The following PINX1 variants were observed in gnomAD, a reference collection of about 807,000 sequenced individuals.
PINX1 encodes the protein PIN2/TERF1-interacting telomerase inhibitor 1.
A neutral mutation model predicts 25.4 loss-of-function variants in PINX1; 34 were observed. The ratio of observed to expected loss-of-function variants is 1.34; its 90% confidence interval spans 1.02 to 1.78. PINX1 has a LOEUF of 1.78. Among genes scored for constraint, PINX1 ranks in the 40% most tolerant of loss-of-function variants. The probability of loss-of-function intolerance (pLI) is 0.00; values close to 1 mark genes in which losing one functional copy is unlikely to be tolerated. For missense variants in PINX1, 592 were observed against 404.9 expected, an observed-to-expected ratio of 1.46 and a Z score of -3.97; for synonymous variants, 197 against 147.7, an observed-to-expected ratio of 1.33 and a Z score of -2.42.
At position 10,839,845 on chromosome 8, in the gene PINX1, G is replaced by GT. The variant is rs1385190604; in HGVS notation, c.-90dup. 4 of 1,300,244 alleles carry GT rather than the reference G, an allele frequency of 3.1e-6. No individual in the cohort carries two copies. The highest frequency in any genetic ancestry group is 3.0e-5 in the African/African-American group (2 of 67,120). The allele number at this position is 1,300,244 out of a possible 1,614,324, so 80.5% of individuals were successfully genotyped here. On this transcript the variant is annotated 5_prime_UTR_variant, in exon 1 of 7. Coordinates refer to ENST00000314787, the MANE Select transcript of PINX1 (RefSeq NM_017884.6). ...AGACTCCAGGAGAATCAGGACGTGCGTAACTCCCTCGCCGGCGGACTGCAG... is the reference window on the plus strand; with the variant it reads ...AGACTCCAGGAGAATCAGGACGTGCGTTAACTCCCTCGCCGGCGGACTGCAG...
intron 3 of PINX1, 89 bp from the exon 4 acceptor site, chr8:10,831,832 G>C (rs1798235768): frequency 4.1e-6 from 3 of 728,206 alleles, no homozygotes; most frequent in Non-Finnish European, 7.2e-6. Flanking sequence ...AGGAAATCCA[G>C]TGGTTAATTA....
intron 1 of PINX1, among the ~76,000 whole-genome samples, chr8:10,836,694 C>T (rs1429738533): frequency 1.3e-4 from 12 of 95,240 alleles, no homozygotes; most frequent in African/African-American, 4.0e-4. Context: ...GTTGGGGGGG[C>T]GGGGGGTGGC....
At chr8:10,822,696 A>T (rs1232558642) in intron 5 of PINX1, among the ~76,000 whole-genome samples, 1 of 152,372 alleles carries the variant, frequency 6.6e-6, no homozygotes, top group East Asian at 1.9e-4. Context: ...TAAAACTTTC[A>T]TTGACACGAG....
At chr8:10,824,728 T>A (rs1797984002) in intron 5 of PINX1, among the ~76,000 whole-genome samples, 1 of 152,220 alleles carries the variant, frequency 6.6e-6, no homozygotes, top group Non-Finnish European at 1.5e-5. Context: ...AGATTCTACC[T>A]GTAAAAGTGA....
chr8:10,836,326 A>C (rs1160213213), intron 1 of PINX1, among the ~76,000 whole-genome samples: 13 of 151,712 alleles, frequency 8.6e-5, no homozygotes, highest in Non-Finnish European at 5.9e-5. Context: ...CTAAATTACC[A>C]CTTTACTTAT....
At chr8:10,812,938 C>G (rs1041587910) in intron 6 of PINX1, among the ~76,000 whole-genome samples, 1 of 152,224 alleles carries the variant, frequency 6.6e-6, no homozygotes, top group African/African-American at 2.4e-5. Flanking sequence ...CATCTAGCTG[C>G]TAGCAAATTA....
At chr8:10,819,717 C>T (rs1452110630) in intron 6 of PINX1, among the ~76,000 whole-genome samples, 2 of 152,144 alleles carry the variant, frequency 1.3e-5, no homozygotes, top group Non-Finnish European at 2.9e-5. Flanking sequence ...CCATCAAACC[C>T]CCTTATAGAT....
intron 6 of PINX1, among the ~76,000 whole-genome samples, chr8:10,787,195 T>C (rs1375079528): frequency 6.6e-6 from 1 of 151,982 alleles, no homozygotes; most frequent in East Asian, 1.9e-4. Flanking sequence ...TATACACACA[T>C]ACACATATTT....
chr8:10,798,299 G>A (rs1802154878), intron 6 of PINX1, among the ~76,000 whole-genome samples: 1 of 152,230 alleles, frequency 6.6e-6, no homozygotes, highest in Admixed American at 6.5e-5. Flanking sequence ...AGCAGCACAG[G>A]CTCCAGCCTT....
intron 6 of PINX1, among the ~76,000 whole-genome samples, chr8:10,798,270 G>C (rs1272731512): frequency 6.6e-6 from 1 of 152,208 alleles, no homozygotes; most frequent in East Asian, 1.9e-4. Flanking sequence ...ACTCACATGT[G>C]TGCTGCTGAA....
chr8:10,825,336 A>G (rs1207373013), intron 5 of PINX1: 2 of 534,606 alleles, frequency 3.7e-6, no homozygotes, highest in Non-Finnish European at 7.7e-6. Flanking sequence ...AACACATCCA[A>G]CCTCCCAGGA....
intron 6 of PINX1, among the ~76,000 whole-genome samples, chr8:10,777,251 C>T (rs764675771): frequency 1.4e-4 from 21 of 152,142 alleles, no homozygotes; most frequent in Admixed American, 1.2e-3. Context: ...ATCTACAAGA[C>T]GACATAAATT....
chr8:10,819,057 T>C (rs988050604), intron 6 of PINX1, among the ~76,000 whole-genome samples: 2 of 152,298 alleles, frequency 1.3e-5, no homozygotes, highest in African/African-American at 4.8e-5. Flanking sequence ...TCCTCCCTAG[T>C]GACCACTGCC....
At chr8:10,800,470 CTTTT>C (rs35149115) in intron 6 of PINX1, among the ~76,000 whole-genome samples, 4 of 143,230 alleles carry the variant, frequency 2.8e-5, no homozygotes, top group Admixed American at 2.1e-4. Flanking sequence ...TGAGAATAAA[CTTTT>C]TTTTTTTTTT....
At chr8:10,771,353 C>G (rs1038809932) in intron 6 of PINX1, 3 of 152,234 alleles carry the variant, frequency 2.0e-5, no homozygotes, top group Non-Finnish European at 4.4e-5. Context: ...ATCCCCTGTA[C>G]ACAGTCCCGT....
chr8:10,802,816 G>A (rs1201489473), intron 6 of PINX1, among the ~76,000 whole-genome samples: 1 of 152,184 alleles, frequency 6.6e-6, no homozygotes, highest in African/African-American at 2.4e-5. Context: ...ACCAAGATAT[G>A]GATTCTCCTG....
chr8:10,778,032 C>A (rs1801449317), intron 6 of PINX1, among the ~76,000 whole-genome samples: 1 of 152,136 alleles, frequency 6.6e-6, no homozygotes, highest in South Asian at 2.1e-4. Flanking sequence ...CAAATACAGA[C>A]GAATGGCATC....
chr8:10,765,914 G>A lies in PINX1; in HGVS notation c.474C>T (p.Gly158=), dbSNP rs762236736. Residue 158 remains glycine (G), a splice_region_variant and synonymous_variant, in exon 7 of 7, where the codon GGC becomes GGT. Transcript: ENST00000314787. ...CCTCTGGAGTGGAGGGACTGGCATC[G>A]CCCTATGGTGGGCAGAAGAGTTAAA... ...GKRQSKKTPE[G]DASPSTPEEN... is the part of the protein sequence containing the mutation. The A allele has an allele frequency of 2.5e-5, 41 of 1,612,386 alleles. No homozygotes were observed. Among genetic ancestry groups the A allele is most frequent in the Admixed American group, 5.0e-5 (3 of 59,870 alleles).
At chr8:10,792,853 T>G (rs1161518506) in intron 6 of PINX1, among the ~76,000 whole-genome samples, 1 of 152,180 alleles carries the variant, frequency 6.6e-6, no homozygotes, top group Admixed American at 6.5e-5. Context: ...TTTACTATGT[T>G]AGTTAGTGTG....
Sources: allele counts gnomAD v4.1 joint callset (sites outside exome capture counted in the v4.1 genomes callset), GRCh38; gene constraint gnomAD v4.1.1; transcripts MANE v1.5; gene names NCBI Gene and HGNC (gene_info 2026-07-23, HGNC 2026-07-21).